MAFG: variants seen among roughly 807,000 people sequenced by gnomAD.
MAFG encodes the protein transcription factor MafG.
A neutral mutation model predicts 12.2 loss-of-function variants in MAFG; 3 were observed. That is an observed-to-expected ratio of 0.25 (90% CI 0.11 to 0.64). The LOEUF is 0.64. Among genes scored for constraint, MAFG ranks in the 30% least tolerant of loss-of-function variants. The pLI, the probability that MAFG is intolerant of heterozygous loss-of-function variation, is 0.85. For synonymous variants in MAFG, 126 were observed against 109.1 expected, an observed-to-expected ratio of 1.15 and a Z score of -0.96; for missense variants, 153 against 235.5, an observed-to-expected ratio of 0.65 and a Z score of 2.29.
chr17:81,923,812 TG>T (rs993379714), intron 1 of MAFG, among the ~76,000 whole-genome samples: 5 of 152,130 alleles, frequency 3.3e-5, no homozygotes, highest in Admixed American at 6.5e-5. Flanking sequence ...CAAAGCCCCC[TG>T]CTCCCTGGGT....
intron 1 of MAFG, 94 bp from the exon 2 acceptor site, chr17:81,923,308 C>T: frequency 2.6e-6 from 2 of 764,704 alleles, no homozygotes; most frequent in South Asian, 1.9e-5. Flanking sequence ...GCCCTTGCCG[C>T]ACAGCCCGCC....
Position 81,926,970 on chromosome 17 carries a change from C to G in MAFG, c.-30+558G>C, listed in dbSNP as rs879724229. 1.3e-5 allele frequency among the ~76,000 whole-genome samples: 2 copies of G among 152,294 alleles called. No individual in the cohort carries two copies. Among genetic ancestry groups the G allele is most frequent in the Admixed American group, 1.3e-4 (2 of 15,298 alleles). On this transcript the variant is annotated intron_variant, in intron 1 of 2. Transcript: ENST00000357736. This position sits in a 1 kb window ranked among gnomAD's most constrained non-coding sequence, Gnocchi z 4.6. ...GCACCGAGTGACCTCACGCTGATGACTCAGCAAGTCTCCCTCCGGGCTCTG... is the reference window on the plus strand; with the variant it reads ...GCACCGAGTGACCTCACGCTGATGAGTCAGCAAGTCTCCCTCCGGGCTCTG...
chr17:81,921,571 T>G lies in MAFG; in HGVS notation c.*1034A>C, dbSNP rs936774764. On this transcript the variant is annotated 3_prime_UTR_variant, in exon 3 of 3. Coordinates refer to ENST00000357736, the MANE Select transcript of MAFG (RefSeq NM_002359.4). ...GCTCACGGCTTGGCTTTTTTTTTTT[T>G]GTCTTTTTTTTAAACTAAGTTTTAT... 1.3e-5 allele frequency: 2 copies of G among 151,748 alleles called. No individual in the cohort carries two copies. Among genetic ancestry groups the G allele is most frequent in the African/African-American group, 4.8e-5 (2 of 41,290 alleles). 9.4% of individuals were successfully genotyped at this position (151,748 alleles called of 1,614,324 possible). A position where few individuals can be genotyped will look rare whatever the true frequency, so the allele number is the denominator to read the frequency against.
In MAFG at chr17:81,922,464, A is replaced by C; in HGVS notation, c.*141T>G. 4 of 620,958 alleles carry C rather than the reference A, an allele frequency of 6.4e-6. No homozygotes were observed. The highest frequency in any genetic ancestry group is 3.4e-5 in the East Asian group (1 of 29,698). The allele number at this position is 620,958 out of a possible 1,614,324, so 38.5% of individuals were successfully genotyped here. A position where few individuals can be genotyped will look rare whatever the true frequency, so the allele number is the denominator to read the frequency against. On this transcript the variant is annotated 3_prime_UTR_variant, in exon 3 of 3. Coordinates refer to ENST00000357736, the MANE Select transcript of MAFG (RefSeq NM_002359.4). ...GGGCTCAGCCCGGCGCCCCTGGGGT[A>C]CAGGTTGTGCTTTGCAGGGAAGAGA...
Position 81,921,373 on chromosome 17 carries a change from GAC to G in MAFG, c.*1230_*1231del, listed in dbSNP as rs755112887. The G allele has an allele frequency of 2.6e-5, 4 of 152,340 alleles. No homozygotes were observed. Among genetic ancestry groups the G allele is most frequent in the Non-Finnish European group, 5.9e-5 (4 of 68,080 alleles). 9.4% of individuals were successfully genotyped at this position (152,340 alleles called of 1,614,324 possible). On this transcript the variant is annotated 3_prime_UTR_variant, in exon 3 of 3. Coordinates refer to ENST00000357736, the MANE Select transcript of MAFG (RefSeq NM_002359.4). ...ACACGGGAAAACAGACACAAGAAGT[GAC>G]ACCCACAGGTCAAAGGTCACCAGAA... is the stretch of plus-strand genomic sequence containing the variant.
At position 81,926,785 on chromosome 17, in the gene MAFG, C is replaced by T. The variant is rs1463454171; in HGVS notation, c.-30+743G>A. Among the ~76,000 whole-genome samples, 2 of 152,048 alleles carry T rather than the reference C, an allele frequency of 1.3e-5. No homozygotes were observed. Among genetic ancestry groups the T allele is most frequent in the Non-Finnish European group, 2.9e-5 (2 of 67,994 alleles). ...GCCACCCCCACTTCCTCTTCAAGCA[C>T]CCCTGCCTTCAACTGGATCGCTCGG... On this transcript the variant is annotated intron_variant, in intron 1 of 2. Coordinates refer to ENST00000357736, the MANE Select transcript of MAFG (RefSeq NM_002359.4). This position sits in a 1 kb window ranked among gnomAD's most constrained non-coding sequence, Gnocchi z 4.6.
At chr17:81,927,127 T>A (rs1004792884) in intron 1 of MAFG, among the ~76,000 whole-genome samples, 2 of 149,512 alleles carry the variant, frequency 1.3e-5, no homozygotes, top group Non-Finnish European at 3.0e-5. Flanking sequence ...ACCGGATGAA[T>A]CAGCAGCTGC....
In MAFG at chr17:81,922,170, A is replaced by G. The variant is rs146666568; in HGVS notation, c.*435T>C. 0.011 allele frequency: 1,685 copies of G among 153,150 alleles called. 30 individuals are homozygous for G. The highest frequency in any genetic ancestry group is 0.039 in the African/African-American group (1,618 of 41,562). 9.5% of individuals were successfully genotyped at this position (153,150 alleles called of 1,614,324 possible). Reference sequence around the variant, plus strand: ...TAAGCTGAGCTGCTCCCCTGGGGCTAAAGAGAGTGAATCCTTCCCAGCCCG... The same window carrying G: ...TAAGCTGAGCTGCTCCCCTGGGGCTGAAGAGAGTGAATCCTTCCCAGCCCG... On this transcript the variant is annotated 3_prime_UTR_variant, in exon 3 of 3. Coordinates refer to ENST00000357736, the MANE Select transcript of MAFG (RefSeq NM_002359.4).
Position 81,921,872 on chromosome 17 carries a change from TTCTC to T in MAFG, c.*729_*732del, listed in dbSNP as rs1037307412. The stretch of plus-strand genomic sequence containing the variant: ...AATTTAATAACTTTGTAAAAGGAAC[TTCTC>T]TCTTTTAAATAAAGGGCTATATAAC... On this transcript the variant is annotated 3_prime_UTR_variant, in exon 3 of 3. Coordinates refer to ENST00000357736, the MANE Select transcript of MAFG (RefSeq NM_002359.4). The T allele has an allele frequency of 1.3e-5, 2 of 152,180 alleles. No homozygotes were observed. Among genetic ancestry groups the T allele is most frequent in the Non-Finnish European group, 2.9e-5 (2 of 68,036 alleles). The allele number at this position is 152,180 out of a possible 1,614,324, so 9.4% of individuals were successfully genotyped here.
At position 81,919,516 on chromosome 17, in the gene MAFG, C is replaced by CCATG. The variant is rs2040866344; in HGVS notation, c.*3085_*3088dup. 1 of 152,276 alleles carries CCATG rather than the reference C, an allele frequency of 6.6e-6. No homozygotes were observed. Among genetic ancestry groups the CCATG allele is most frequent in the African/African-American group, 2.4e-5 (1 of 41,464 alleles). 9.4% of individuals were successfully genotyped at this position (152,276 alleles called of 1,614,324 possible). ...GGGTATTCCTCTGAAATCTGAGCGT[C>CCATG]CATGTTAGGATAAAAGAGGAGTTGG... On this transcript the variant is annotated 3_prime_UTR_variant, in exon 3 of 3. Coordinates refer to ENST00000357736, the MANE Select transcript of MAFG (RefSeq NM_002359.4).
intron 1 of MAFG, among the ~76,000 whole-genome samples, chr17:81,925,996 C>CTGTGTGTG (rs532478689): frequency 5.3e-4 from 47 of 89,028 alleles, no homozygotes; most frequent in African/African-American, 2.0e-3. Context: ...GAGAATGGAC[C>CTGTGTGTG]TGTGTGTGTG....
rs191144222 is a variant in MAFG at position 81,924,460 on chromosome 17, G to A, written c.-29-1246C>T. The A allele has an allele frequency of 6.6e-6, 1 of 152,498 alleles. No individual in the cohort carries two copies. Among genetic ancestry groups the A allele is most frequent in the Non-Finnish European group, 1.5e-5 (1 of 68,260 alleles). 9.4% of individuals were successfully genotyped at this position (152,498 alleles called of 1,614,324 possible). ...TGGGAGACTCCTCCAGAGGAGCTAG[G>A]ATCACTTCAGGAAATTATGGGCTGG... On this transcript the variant is annotated intron_variant, in intron 1 of 2. Coordinates refer to ENST00000357736, the MANE Select transcript of MAFG (RefSeq NM_002359.4). The surrounding 1 kb of genome is among the most constrained non-coding windows in gnomAD (Gnocchi z 4.7).
In MAFG at chr17:81,926,598, G is replaced by A. The variant is rs756892822; in HGVS notation, c.-30+930C>T. Among the ~76,000 whole-genome samples the A allele has an allele frequency of 6.6e-6, 1 of 152,112 alleles. No individual in the cohort carries two copies. The stretch of plus-strand genomic sequence containing the variant: ...AGCCGACTTCCCCTTTGGCTAGCTC[G>A]GCCCACCGAAGCTCCTCCCCTCCCT... On this transcript the variant is annotated intron_variant, in intron 1 of 2. Transcript: ENST00000357736. The surrounding 1 kb of genome is among the most constrained non-coding windows in gnomAD (Gnocchi z 4.6).
At chr17:81,925,752 G>A (rs2040934032) in intron 1 of MAFG, among the ~76,000 whole-genome samples, 1 of 149,498 alleles carries the variant, frequency 6.7e-6, no homozygotes, top group Non-Finnish European at 1.5e-5. Flanking sequence ...AGCTTGCAGT[G>A]AGCTGAGATC....
upstream of MAFG, among the ~76,000 whole-genome samples, chr17:81,931,215 T>A (rs1279683715): frequency 6.6e-6 from 1 of 152,104 alleles, no homozygotes; most frequent in African/African-American, 2.4e-5. Context: ...CCCACACACC[T>A]CCTCACCTCC....
Position 81,918,865 on chromosome 17 carries a change from T to C in MAFG, c.*3740A>G, listed in dbSNP as rs1275768069. On this transcript the variant is annotated 3_prime_UTR_variant, in exon 3 of 3. Transcript: ENST00000357736. ...CCAAGAACAGGGAGGTCTCACAGTT[T>C]ATCGGGGACACACTCTAGCTCAGAC... The C allele has an allele frequency of 6.6e-6, 1 of 152,182 alleles. No homozygotes were observed. Among genetic ancestry groups the C allele is most frequent in the African/African-American group, 2.4e-5 (1 of 41,404 alleles). 9.4% of individuals were successfully genotyped at this position (152,182 alleles called of 1,614,324 possible).
rs2040900139 is a variant in MAFG at position 81,922,459 on chromosome 17, G to A, written c.*146C>T. ...CAAAGGGGCTCAGCCCGGCGCCCCT[G>A]GGGTACAGGTTGTGCTTTGCAGGGA... On this transcript the variant is annotated 3_prime_UTR_variant, in exon 3 of 3. Coordinates refer to ENST00000357736, the MANE Select transcript of MAFG (RefSeq NM_002359.4). The A allele has an allele frequency of 3.3e-6, 2 of 609,028 alleles. No individual in the cohort carries two copies. The highest frequency in any genetic ancestry group is 3.9e-5 in the Admixed American group (1 of 25,684). 37.7% of individuals were successfully genotyped at this position (609,028 alleles called of 1,614,324 possible). A position where few individuals can be genotyped will look rare whatever the true frequency, so the allele number is the denominator to read the frequency against.
intron 1 of MAFG, among the ~76,000 whole-genome samples, chr17:81,927,051 C>T (rs1307361186): frequency 6.6e-6 from 1 of 151,948 alleles, no homozygotes; most frequent in Non-Finnish European, 1.5e-5. Flanking sequence ...CCCCGCAGCA[C>T]CCCCATCGCC....
Position 81,922,641 on chromosome 17 carries a change from G to A in MAFG, c.453C>T (p.Ile151=). 6.7e-7 allele frequency: 1 copy of A among 1,502,448 alleles called. No individual in the cohort carries two copies. The highest frequency in any genetic ancestry group is 8.8e-7 in the Non-Finnish European group (1 of 1,130,052). 93.1% of individuals were successfully genotyped at this position (1,502,448 alleles called of 1,614,324 possible). The change falls in exon 3 of 3, where the codon ATC becomes ATT. Residue 151 remains isoleucine, a synonymous_variant. Coordinates refer to ENST00000357736, the MANE Select transcript of MAFG (RefSeq NM_002359.4). The part of the protein sequence containing the change: ...VPGKVAATSV[I]TIVKSKTDAR... The stretch of plus-strand genomic sequence containing the variant: ...CATCCGTCTTGGACTTTACTATTGT[G>A]ATGACGCTGGTGGCGGCCACCTTGC...
Sources: gnomAD v4.1 joint callset for allele counts (sites outside exome capture counted in the v4.1 genomes callset) on GRCh38, gnomAD v4.1.1 for gene constraint, Gnocchi (gnomAD v3.1) non-coding constraint, MANE v1.5 for transcripts, NCBI Gene and HGNC (gene_info 2026-07-23, HGNC 2026-07-21) for gene names.